ZZZ3: variants seen among roughly 807,000 people sequenced by gnomAD.
ZZZ3 encodes the protein zinc finger ZZ-type containing 3.
Under a neutral mutation model 95.2 loss-of-function variants are expected in ZZZ3, and 22 were observed. The observed-to-expected ratio is 0.23, with a 90% CI of 0.17 to 0.33. The LOEUF (loss-of-function observed/expected upper bound fraction) is 0.33, where lower values mean the gene tolerates loss of function less well. Ranked by LOEUF, ZZZ3 falls within the 10% of genes least tolerant of loss-of-function variation. The pLI, the probability that ZZZ3 is intolerant of heterozygous loss-of-function variation, is 1.00. For missense variants in ZZZ3, 885 were observed against 1,066.5 expected (o/e 0.83, Z 2.37); for synonymous variants, 335 against 358.9 (o/e 0.93, Z 0.75).
chr1:77,680,295 C>T (rs1490467366), intron 1 of ZZZ3, among the ~76,000 whole-genome samples: 1 of 152,182 alleles, frequency 6.6e-6, no homozygotes, highest in East Asian at 1.9e-4. Flanking sequence ...AATACCGACT[C>T]GGGCTGTCCT....
intron 5 of ZZZ3, among the ~76,000 whole-genome samples, chr1:77,604,193 T>A (rs973265051): frequency 1.3e-5 from 2 of 152,070 alleles, no homozygotes; most frequent in Admixed American, 6.6e-5. Flanking sequence ...TTAAAAAAAA[T>A]TGGTAATAGA....
At chr1:77,577,071 T>G (rs944249525) in intron 11 of ZZZ3, among the ~76,000 whole-genome samples, 1 of 152,218 alleles carries the variant, frequency 6.6e-6, no homozygotes, top group Non-Finnish European at 1.5e-5. Flanking sequence ...AAATTCTCAC[T>G]TTCCACCACT....
At chr1:77,601,750 C>A (rs1664750844) in intron 5 of ZZZ3, among the ~76,000 whole-genome samples, 1 of 152,082 alleles carries the variant, frequency 6.6e-6, no homozygotes, top group Non-Finnish European at 1.5e-5. Flanking sequence ...CTATGCTAAG[C>A]CCTTTACAAC....
At chr1:77,649,036 A>G (rs975512837) in intron 1 of ZZZ3, among the ~76,000 whole-genome samples, 1 of 152,180 alleles carries the variant, frequency 6.6e-6, no homozygotes, top group Non-Finnish European at 1.5e-5. Flanking sequence ...CTGAGGCACA[A>G]GAATCACTTG....
chr1:77,666,895 G>A lies in ZZZ3; in HGVS notation c.-403+15690C>T, dbSNP rs140202818. Among the ~76,000 whole-genome samples the A allele has an allele frequency of 1.5e-3, 232 of 152,284 alleles. 2 individuals carry two copies. The highest frequency in any genetic ancestry group is 5.3e-3 in the African/African-American group (221 of 41,564). On this transcript the variant is annotated intron_variant, in intron 1 of 14. Transcript: ENST00000370801. ...GATGTCCCTTAAAAACTCCCTCAGG[G>A]AAAACCTTTCTAGCTGAGGTAACAT...
intron 12 of ZZZ3, 126 bp from the exon 13 acceptor site, chr1:77,568,592 T>C (rs1661064304): frequency 4.2e-6 from 2 of 481,334 alleles, no homozygotes; most frequent in Middle Eastern, 5.7e-4. Context: ...TTAGTACTCA[T>C]AGAAAATTAG....
At chr1:77,670,259 AT>A (rs5775413) in intron 1 of ZZZ3, among the ~76,000 whole-genome samples, 55,982 of 145,522 alleles carry the variant, frequency 0.38, 12,163 homozygotes, top group African/African-American at 0.61. Context: ...ACAACATGCA[AT>A]TTTTTTTTTT....
intron 11 of ZZZ3, 94 bp from the exon 12 acceptor site, chr1:77,576,314 T>C (rs1467431638): frequency 2.9e-6 from 3 of 1,035,936 alleles, no homozygotes; most frequent in African/African-American, 1.6e-5. Flanking sequence ...AACAAGTCTA[T>C]CAGAAGAATT....
At chr1:77,670,482 C>T (rs918977292) in intron 1 of ZZZ3, among the ~76,000 whole-genome samples, 4 of 152,076 alleles carry the variant, frequency 2.6e-5, no homozygotes, top group African/African-American at 9.7e-5. Context: ...TGGTCTCGAA[C>T]TCCTGACCTC....
At chr1:77,682,004 A>C (rs1236812108) in intron 1 of ZZZ3, among the ~76,000 whole-genome samples, 2 of 152,220 alleles carry the variant, frequency 1.3e-5, no homozygotes, top group African/African-American at 4.8e-5. Flanking sequence ...GTAACACAGT[A>C]GTAATTAAAA....
chr1:77,566,254 C>CA (rs1660815912), intron 13 of ZZZ3, 73 bp from the exon 14 acceptor site: 1 of 1,026,860 alleles, frequency 9.7e-7, no homozygotes, highest in South Asian at 1.5e-5. Flanking sequence ...CACAAGGAAA[C>CA]ACATGATGTG....
chr1:77,620,782 T>C (rs1243103850), intron 5 of ZZZ3, among the ~76,000 whole-genome samples: 2 of 152,126 alleles, frequency 1.3e-5, no homozygotes, highest in African/African-American at 4.8e-5. Flanking sequence ...TAATCTAAGC[T>C]GGTGATAGGC....
rs1668584502 is a variant in ZZZ3 at position 77,639,543 on chromosome 1, T to A, written c.-146A>T. 4.1e-6 allele frequency: 5 copies of A among 1,232,330 alleles called. No individual in the cohort carries two copies. The highest frequency in any genetic ancestry group is 5.5e-6 in the Non-Finnish European group (5 of 917,378). 76.3% of individuals were successfully genotyped at this position (1,232,330 alleles called of 1,614,324 possible). Reference sequence around the variant, plus strand: ...TATGATCTAGAATGGAGCTTAAGCATCAGGGTTTCAGACTCTCTCAGCTTC... The same window carrying A: ...TATGATCTAGAATGGAGCTTAAGCAACAGGGTTTCAGACTCTCTCAGCTTC... On this transcript the variant is annotated 5_prime_UTR_variant, in exon 4 of 15. The change abolishes an upstream ATG in the 5' untranslated region. Transcript: ENST00000370801.
intron 13 of ZZZ3, 37 bp downstream of exon 13, chr1:77,568,295 T>C (rs1557683649): frequency 7.4e-7 from 1 of 1,349,624 alleles, no homozygotes; most frequent in Admixed American, 2.7e-5. Context: ...AATAAATAAA[T>C]AAAATGAAAT....
chr1:77,601,674 C>A (rs578078721), intron 5 of ZZZ3, among the ~76,000 whole-genome samples: 1 of 152,160 alleles, frequency 6.6e-6, no homozygotes, highest in Non-Finnish European at 1.5e-5. Context: ...CCTTCATTTC[C>A]CTGTTTAAAA....
At chr1:77,652,679 A>C (rs1342939569) in intron 1 of ZZZ3, among the ~76,000 whole-genome samples, 1 of 152,226 alleles carries the variant, frequency 6.6e-6, no homozygotes, top group African/African-American at 2.4e-5. Context: ...TAATAGTTAT[A>C]AAGTGGAAGC....
At position 77,575,836 on chromosome 1, in the gene ZZZ3, G is replaced by A. The variant is rs80270822; in HGVS notation, c.2331+232C>T. ...TCCAGAGCAGAGTTGAGGTGGGTAG[G>A]GAGTAGAGATTAAAATAAGGTAGCT... On this transcript the variant is annotated intron_variant, in intron 12 of 14. Transcript: ENST00000370801. Among the ~76,000 whole-genome samples, 742 of 152,120 alleles carry A rather than the reference G, an allele frequency of 4.9e-3. 8 individuals are homozygous for A. The highest frequency in any genetic ancestry group is 0.017 in the African/African-American group (721 of 41,422).
At chr1:77,588,934 G>C (rs958522960) in intron 5 of ZZZ3, among the ~76,000 whole-genome samples, 1 of 152,180 alleles carries the variant, frequency 6.6e-6, no homozygotes, top group Non-Finnish European at 1.5e-5. Flanking sequence ...TGGCAGGTGG[G>C]CAACGTCAGA....
intron 5 of ZZZ3, among the ~76,000 whole-genome samples, chr1:77,610,159 C>T (rs1017037133): frequency 3.0e-4 from 44 of 145,838 alleles, no homozygotes; most frequent in African/African-American, 1.0e-3. Context: ...GCAGACTTTA[C>T]AATCAACACC....
Sources: gnomAD v4.1 joint callset for allele counts (sites outside exome capture counted in the v4.1 genomes callset) on GRCh38, gnomAD v4.1.1 for gene constraint, MANE v1.5 for transcripts, NCBI Gene and HGNC (gene_info 2026-07-23, HGNC 2026-07-21) for gene names.